The following NKAIN3 variants were observed in gnomAD, a reference collection of about 807,000 sequenced individuals.
NKAIN3 encodes the protein sodium/potassium-transporting ATPase subunit beta-1-interacting protein 3.
In NKAIN3, 25 loss-of-function variants were observed where a neutral mutation model predicts 30.2. That is an observed-to-expected ratio of 0.83 (90% CI 0.60 to 1.16). NKAIN3 has a LOEUF of 1.16. NKAIN3 is among the 50% of genes most tolerant of loss of function. The pLI is 0.00. For synonymous variants in NKAIN3, 91 were observed against 89.6 expected (o/e 1.02, Z -0.09); for missense variants, 225 against 254.1 (o/e 0.89, Z 0.78).
intron 3 of NKAIN3, among the ~76,000 whole-genome samples, chr8:62,632,594 C>A (rs1323232666): frequency 6.6e-6 from 1 of 152,052 alleles, no homozygotes; most frequent in Non-Finnish European, 1.5e-5. Context: ...CCTCCACCTT[C>A]CAGGTTCAAG....
chr8:62,680,474 A>G lies in NKAIN3; in HGVS notation c.274-66458A>G, dbSNP rs1468933161. Reference sequence around the variant, plus strand: ...AAGACATCTTATAATTGACCCATTCATGACTTAAAAAGGATTTTGTCTATT... The same window carrying G: ...AAGACATCTTATAATTGACCCATTCGTGACTTAAAAAGGATTTTGTCTATT... On this transcript the variant is annotated intron_variant, in intron 3 of 6. Coordinates refer to ENST00000623646, the MANE Select transcript of NKAIN3 (RefSeq NM_001304533.3). 4.6e-5 allele frequency among the ~76,000 whole-genome samples: 7 copies of G among 152,188 alleles called. No individual in the cohort carries two copies. In the East Asian group the frequency reaches 1.3e-3, roughly 29 times the overall value.
chr8:62,289,417 G>C (rs1416370219), intron 1 of NKAIN3, among the ~76,000 whole-genome samples: 1 of 152,024 alleles, frequency 6.6e-6, no homozygotes, highest in African/African-American at 2.4e-5. Flanking sequence ...ATTAATTGTT[G>C]TATAAGATAT....
At chr8:62,953,038 C>G (rs1026481652) in intron 5 of NKAIN3, among the ~76,000 whole-genome samples, 1 of 152,070 alleles carries the variant, frequency 6.6e-6, no homozygotes, top group East Asian at 1.9e-4. Context: ...AAAAATGCTA[C>G]TCTGTATGGA....
At chr8:62,495,155 A>G (rs1166387130) in intron 1 of NKAIN3, among the ~76,000 whole-genome samples, 2 of 152,120 alleles carry the variant, frequency 1.3e-5, no homozygotes, top group African/African-American at 4.8e-5. Flanking sequence ...TTTGCTTGCC[A>G]TACTGCAGTT....
At chr8:62,540,104 A>G (rs1395028914) in intron 1 of NKAIN3, among the ~76,000 whole-genome samples, 2 of 152,202 alleles carry the variant, frequency 1.3e-5, no homozygotes, top group African/African-American at 2.4e-5. Context: ...TAGTTCAACA[A>G]TCATATAAAA....
intron 4 of NKAIN3, among the ~76,000 whole-genome samples, chr8:62,765,620 TAAG>T (rs1445469783): frequency 6.6e-6 from 1 of 152,202 alleles, no homozygotes. Flanking sequence ...CCTTTTTATA[TAAG>T]AAGTTAATTA....
chr8:62,570,912 A>G (rs530021061), intron 1 of NKAIN3, among the ~76,000 whole-genome samples: 1 of 152,316 alleles, frequency 6.6e-6, no homozygotes, highest in African/African-American at 2.4e-5. Flanking sequence ...CTAAGAAAGC[A>G]TTTGATCAAA....
In NKAIN3 at chr8:62,709,286, G is replaced by A. The variant is rs116027514; in HGVS notation, c.274-37646G>A. Reference sequence around the variant, plus strand: ...TTCCTCCATCTTGTGGAATAGTGTCGAAAGGATTGGTCCAATTCTTCTTTG... The same window carrying A: ...TTCCTCCATCTTGTGGAATAGTGTCAAAAGGATTGGTCCAATTCTTCTTTG... On this transcript the variant is annotated intron_variant, in intron 3 of 6. Transcript: ENST00000623646. 5.2e-3 allele frequency among the ~76,000 whole-genome samples: 787 copies of A among 152,086 alleles called. 3 individuals carry two copies. Among genetic ancestry groups the A allele is most frequent in the African/African-American group, 0.018 (730 of 41,532 alleles).
chr8:62,862,544 C>T (rs913106234), intron 4 of NKAIN3, among the ~76,000 whole-genome samples: 1 of 152,000 alleles, frequency 6.6e-6, no homozygotes, highest in African/African-American at 2.4e-5. Flanking sequence ...AAATATTTAA[C>T]ATTTATTATA....
chr8:62,972,000 T>G lies in NKAIN3; in HGVS notation c.*6593T>G, dbSNP rs1382427497. Reference sequence around the variant, plus strand: ...TGAGTTTAAAATTCTAGAGCCAATCTAACATTTTGCTTGGTCCTCATTGTG... The same window carrying G: ...TGAGTTTAAAATTCTAGAGCCAATCGAACATTTTGCTTGGTCCTCATTGTG... On this transcript the variant is annotated 3_prime_UTR_variant, in exon 7 of 7. Coordinates refer to ENST00000623646, the MANE Select transcript of NKAIN3 (RefSeq NM_001304533.3). Among the ~76,000 whole-genome samples, 4 of 152,218 alleles carry G rather than the reference T, an allele frequency of 2.6e-5. No individual in the cohort carries two copies. Among genetic ancestry groups the G allele is most frequent in the Admixed American group, 6.5e-5 (1 of 15,280 alleles).
At chr8:62,837,961 G>T (rs189611733) in intron 4 of NKAIN3, among the ~76,000 whole-genome samples, 1 of 152,088 alleles carries the variant, frequency 6.6e-6, no homozygotes, top group Admixed American at 6.6e-5. Flanking sequence ...TTTATTATGT[G>T]CAAGGTACGT....
rs1156291469 is a variant in NKAIN3, at chr8:62,528,310, TATATATATTATATA to T, written c.55-51220_55-51207del. 1.7e-4 allele frequency among the ~76,000 whole-genome samples: 15 copies of T among 89,864 alleles called. 1 individual carries two copies. The highest frequency in any genetic ancestry group is 6.0e-4 in the African/African-American group (15 of 24,826). 59.0% of individuals were successfully genotyped at this position (89,864 alleles called of 152,430 possible). On this transcript the variant is annotated intron_variant, in intron 1 of 6. Transcript: ENST00000623646. ...TGATATATATATATATTATATTATA[TATATATATTATATA>T]ATATATATATTATATAATATATATA...
At chr8:62,908,807 A>G (rs568487123) in intron 4 of NKAIN3, among the ~76,000 whole-genome samples, 2 of 152,328 alleles carry the variant, frequency 1.3e-5, no homozygotes, top group African/African-American at 2.4e-5. Flanking sequence ...AAGCATGAGA[A>G]CAGACTAATA....
intron 1 of NKAIN3, among the ~76,000 whole-genome samples, chr8:62,292,410 A>T (rs1449696721): frequency 6.6e-6 from 1 of 151,902 alleles, no homozygotes; most frequent in East Asian, 1.9e-4. Flanking sequence ...TTCCTTGAGG[A>T]GCTCTTGTAA....
chr8:62,381,845 G>A (rs1388170166), intron 1 of NKAIN3, among the ~76,000 whole-genome samples: 1 of 152,144 alleles, frequency 6.6e-6, no homozygotes, highest in Non-Finnish European at 1.5e-5. Context: ...CAACCTGCAT[G>A]TATAGGCTAC....
At chr8:62,832,982 C>T (rs754705951) in intron 4 of NKAIN3, among the ~76,000 whole-genome samples, 10 of 151,958 alleles carry the variant, frequency 6.6e-5, no homozygotes, top group Non-Finnish European at 1.3e-4. Flanking sequence ...ACTTAACATA[C>T]GAACCATTGT....
intron 3 of NKAIN3, among the ~76,000 whole-genome samples, chr8:62,658,269 C>A (rs1397041785): frequency 6.6e-6 from 1 of 152,194 alleles, no homozygotes; most frequent in African/African-American, 2.4e-5. Flanking sequence ...ATTACACCCA[C>A]AGCCCTCTGT....
At chr8:62,566,667 C>A (rs1442506476) in intron 1 of NKAIN3, among the ~76,000 whole-genome samples, 1 of 152,090 alleles carries the variant, frequency 6.6e-6, no homozygotes, top group African/African-American at 2.4e-5. Context: ...ATCCCTGCCA[C>A]CACAAAACAT....
chr8:62,931,277 T>A (rs1196967923), intron 5 of NKAIN3, among the ~76,000 whole-genome samples: 1 of 152,236 alleles, frequency 6.6e-6, no homozygotes, highest in Non-Finnish European at 1.5e-5. Flanking sequence ...AATATTGTCA[T>A]GTCTTTCAAC....
Sources: allele counts gnomAD v4.1 joint callset (sites outside exome capture counted in the v4.1 genomes callset), GRCh38; gene constraint gnomAD v4.1.1; transcripts MANE v1.5; gene names NCBI Gene and HGNC (gene_info 2026-07-23, HGNC 2026-07-21).